CSMD1: variants seen among roughly 807,000 people sequenced by gnomAD.
CSMD1 encodes CUB and sushi domain-containing protein 1.
CSMD1 carries 213 observed loss-of-function variants against 417.5 expected under a neutral mutation model. That is an observed-to-expected ratio of 0.51 (90% confidence interval 0.46 to 0.57). CSMD1 has a LOEUF of 0.57. Among genes scored for constraint, CSMD1 ranks in the 20% least tolerant of loss-of-function variants. The probability of loss-of-function intolerance (pLI) is 0.00; values close to 1 mark genes in which losing one functional copy is unlikely to be tolerated. For missense variants in CSMD1, 6,923 were observed against 4,529.7 expected, an observed-to-expected ratio of 1.53 and a Z score of -15.17; for synonymous variants, 2,862 against 1,736.8, an observed-to-expected ratio of 1.65 and a Z score of -16.11.
chr8:4,676,172 G>A (rs888271359), intron 1 of CSMD1, among the ~76,000 whole-genome samples: 1 of 152,088 alleles, frequency 6.6e-6, no homozygotes, highest in Non-Finnish European at 1.5e-5. Flanking sequence ...ATATTATCAA[G>A]GTCATAGACC....
chr8:3,783,090 A>T lies in CSMD1; in HGVS notation c.819-29048T>A, dbSNP rs185152448. ...CAAGTCCCCATCTCCCCATCCCGTA[A>T]CCCCCAGCCTCCACCATCCTCCCTT... On this transcript the variant is annotated intron_variant, in intron 5 of 69. Transcript: ENST00000635120. Among the ~76,000 whole-genome samples, 729 of 151,970 alleles carry T rather than the reference A, an allele frequency of 4.8e-3. 6 individuals carry two copies. The highest frequency in any genetic ancestry group is 0.017 in the African/African-American group (699 of 41,490).
At chr8:2,949,411 A>AGAAAAGAAAG (rs2128918321) in intron 67 of CSMD1, 25 bp from the exon 68 acceptor site, 2 of 1,308,034 alleles carry the variant, frequency 1.5e-6, no homozygotes, top group Non-Finnish European at 2.2e-6. Context: ...AGAAAAGAAA[A>AGAAAAGAAAG]GAAATAAAAA....
chr8:3,530,913 A>C (rs1797953505), intron 10 of CSMD1, among the ~76,000 whole-genome samples: 1 of 149,758 alleles, frequency 6.7e-6, no homozygotes, highest in Admixed American at 6.7e-5. Flanking sequence ...ACTGGAATGC[A>C]GTGGTACGAT....
chr8:4,637,143 CTT>C (rs1020798923), intron 2 of CSMD1, among the ~76,000 whole-genome samples, 197 bp downstream of exon 2: 16 of 152,254 alleles, frequency 1.1e-4, no homozygotes, highest in African/African-American at 3.6e-4. Flanking sequence ...ACCACTAACT[CTT>C]TGTTTCCCTG....
At chr8:4,374,752 G>A (rs922682089) in intron 3 of CSMD1, among the ~76,000 whole-genome samples, 8 of 152,152 alleles carry the variant, frequency 5.3e-5, no homozygotes, top group Admixed American at 4.6e-4. Context: ...AGACGTCCAA[G>A]TGGTTCTTGT....
intron 2 of CSMD1, among the ~76,000 whole-genome samples, chr8:4,437,670 C>G (rs1798223461): frequency 2.0e-5 from 3 of 152,154 alleles, no homozygotes; most frequent in Admixed American, 1.3e-4. Flanking sequence ...TAGAGTTTAA[C>G]CTAATATTTA....
intron 1 of CSMD1, among the ~76,000 whole-genome samples, chr8:4,644,210 G>T (rs866466783): frequency 6.6e-6 from 1 of 152,150 alleles, no homozygotes; most frequent in Admixed American, 6.5e-5. Flanking sequence ...ACTGGTCAGT[G>T]TCACTTCTTT....
chr8:4,546,596 G>A lies in CSMD1; in HGVS notation c.302+90746C>T, dbSNP rs80008947. Among the ~76,000 whole-genome samples the A allele has an allele frequency of 6.1e-3, 936 of 152,248 alleles. 48 individuals are homozygous for A. In the East Asian group the frequency reaches 0.14, roughly 23 times the overall value. On this transcript the variant is annotated intron_variant, in intron 2 of 69. Transcript: ENST00000635120. ...TTCTCAGGCCTTCAGATTCAGGACA[G>A]GACTTTGACCACTAACTCTTCTTGC...
intron 1 of CSMD1, among the ~76,000 whole-genome samples, chr8:4,722,539 G>T (rs10108060): frequency 6.6e-6 from 1 of 151,664 alleles, no homozygotes; most frequent in East Asian, 1.9e-4. Context: ...GCTCTGAATG[G>T]GGTAGAACTT....
intron 5 of CSMD1, among the ~76,000 whole-genome samples, chr8:3,933,423 G>C (rs2954604): frequency 0.35 from 52,808 of 152,018 alleles, 10,005 homozygotes; most frequent in Admixed American, 0.43. Context: ...ATGTATGACA[G>C]ATAAAACATA....
At chr8:3,101,884 C>T (rs1815782597) in intron 46 of CSMD1, among the ~76,000 whole-genome samples, 1 of 150,664 alleles carries the variant, frequency 6.6e-6, no homozygotes, top group African/African-American at 2.5e-5. Context: ...TCACTGCAAC[C>T]TCCACATGCG....
chr8:4,077,299 A>ATATATATATATATATATATATATGGG (rs1799876310), intron 3 of CSMD1, among the ~76,000 whole-genome samples: 9 of 66,112 alleles, frequency 1.4e-4, no homozygotes, highest in African/African-American at 3.7e-4. Context: ...ATATATGTGT[A>ATATATATATATATATATATATATGGG]TATATATATA....
intron 3 of CSMD1, among the ~76,000 whole-genome samples, chr8:4,119,559 G>A (rs571829553): frequency 1.3e-5 from 2 of 148,816 alleles, no homozygotes; most frequent in East Asian, 4.0e-4. Flanking sequence ...GGCCTTAAGG[G>A]TGTAGACCAG....
At chr8:4,194,974 T>C (rs1050061238) in intron 3 of CSMD1, among the ~76,000 whole-genome samples, 2 of 151,806 alleles carry the variant, frequency 1.3e-5, no homozygotes, top group Admixed American at 6.5e-5. Context: ...GAATGGACTA[T>C]CTAGCTTTCT....
chr8:4,261,237 T>G (rs749329325), intron 3 of CSMD1, among the ~76,000 whole-genome samples: 2 of 152,188 alleles, frequency 1.3e-5, no homozygotes, highest in African/African-American at 2.4e-5. Flanking sequence ...CTGAATCTTG[T>G]GTAGTAGACT....
chr8:4,347,579 C>T (rs934482961), intron 3 of CSMD1, among the ~76,000 whole-genome samples: 10 of 152,078 alleles, frequency 6.6e-5, no homozygotes, highest in South Asian at 2.1e-4. Context: ...TATTAAAGTT[C>T]GCCAAAGAGA....
At chr8:4,592,557 T>C (rs1187068447) in intron 2 of CSMD1, among the ~76,000 whole-genome samples, 1 of 151,966 alleles carries the variant, frequency 6.6e-6, no homozygotes, top group Non-Finnish European at 1.5e-5. Context: ...CAGCTAATTT[T>C]TGTATTTTTA....
At chr8:4,449,676 G>A (rs1250597737) in intron 2 of CSMD1, among the ~76,000 whole-genome samples, 1 of 152,112 alleles carries the variant, frequency 6.6e-6, no homozygotes, top group African/African-American at 2.4e-5. Context: ...TGAGAGGAAT[G>A]GGATGGGAAG....
At chr8:3,371,175 G>A (rs887762613) in intron 18 of CSMD1, among the ~76,000 whole-genome samples, 8 of 152,124 alleles carry the variant, frequency 5.3e-5, no homozygotes, top group African/African-American at 1.9e-4. Flanking sequence ...GCTTGCAGAA[G>A]GCAGATCTTG....
Sources: gnomAD v4.1 joint callset for allele counts (sites outside exome capture counted in the v4.1 genomes callset) on GRCh38, gnomAD v4.1.1 for gene constraint, MANE v1.5 for transcripts, NCBI Gene and HGNC (gene_info 2026-07-23, HGNC 2026-07-21) for gene names.